The following TASP1 variants were observed in gnomAD, a reference collection of about 807,000 sequenced individuals.
The protein encoded by TASP1 is taspase 1, also known as threonine aspartase 1.
In TASP1, 16 loss-of-function variants were observed where a neutral mutation model predicts 56.6. The ratio of observed to expected loss-of-function variants is 0.28; its 90% CI spans 0.19 to 0.43. The LOEUF is 0.43. TASP1 is among the 20% of genes least tolerant of loss of function. TASP1 has a pLI of 1.00. For synonymous variants in TASP1, 179 were observed against 184.2 expected (o/e 0.97, Z 0.23); for missense variants, 393 against 511.6 (o/e 0.77, Z 2.24).
the TASP1 span, chr20:13,270,893 G>A: frequency 4.0e-6 from 3 of 741,768 alleles, no homozygotes; most frequent in African/African-American, 1.8e-5. Flanking sequence ...CATAAGAACA[G>A]TGCTGCATTT....
At chr20:13,224,214 T>C in the TASP1 span, among the ~76,000 whole-genome samples, 1 of 152,194 alleles carries the variant, frequency 6.6e-6, no homozygotes, top group African/African-American at 2.4e-5. Context: ...ATGATGAGTT[T>C]AGCAGTTTAG....
intron 13 of TASP1, among the ~76,000 whole-genome samples, chr20:13,409,538 A>ATTT (rs2042028410): frequency 6.6e-6 from 1 of 152,034 alleles, no homozygotes; most frequent in African/African-American, 2.4e-5. Context: ...ACCAGCTTTC[A>ATTT]TTTTTGAAAA....
the TASP1 span, among the ~76,000 whole-genome samples, chr20:13,203,051 T>A: frequency 6.6e-6 from 1 of 152,194 alleles, no homozygotes; most frequent in African/African-American, 2.4e-5. Flanking sequence ...GATGAAAACA[T>A]CTGTTTTATC....
chr20:13,501,150 T>C (rs1423092971), intron 10 of TASP1, among the ~76,000 whole-genome samples: 4 of 151,860 alleles, frequency 2.6e-5, no homozygotes, highest in Non-Finnish European at 5.9e-5. Flanking sequence ...AAAGGGGAAG[T>C]AAAGATATTT....
At chr20:13,633,467 T>C (rs1386844215) in intron 1 of TASP1, among the ~76,000 whole-genome samples, 5 of 152,126 alleles carry the variant, frequency 3.3e-5, no homozygotes, top group African/African-American at 7.2e-5. Context: ...GAATACTAGG[T>C]AATGAGCTAA....
the TASP1 span, among the ~76,000 whole-genome samples, chr20:13,246,945 T>C: frequency 6.6e-6 from 1 of 151,326 alleles, no homozygotes; most frequent in East Asian, 1.9e-4. Context: ...AAAATATATA[T>C]ATGTATAGTG....
intron 6 of TASP1, among the ~76,000 whole-genome samples, chr20:13,576,197 G>A (rs923884661): frequency 4.8e-5 from 5 of 104,192 alleles, no homozygotes; most frequent in East Asian, 6.6e-4. Flanking sequence ...GCAAGATTCC[G>A]AGACAGAAGG....
chr20:13,132,801 C>T, the TASP1 span: 2 of 152,218 alleles, frequency 1.3e-5, no homozygotes, highest in African/African-American at 4.8e-5. Context: ...CCTAAAAAGA[C>T]TTTCCTTGCC....
At chr20:13,293,019 A>AC in the TASP1 span, among the ~76,000 whole-genome samples, 4 of 150,914 alleles carry the variant, frequency 2.7e-5, no homozygotes, top group Admixed American at 1.3e-4. Flanking sequence ...ACATGGTGAA[A>AC]CCCCCCCGTC....
At chr20:13,294,417 G>A in the TASP1 span, among the ~76,000 whole-genome samples, 3 of 152,198 alleles carry the variant, frequency 2.0e-5, no homozygotes, top group African/African-American at 4.8e-5. Flanking sequence ...TTGACATAAA[G>A]TGGTAGAACC....
chr20:13,182,200 G>C, the TASP1 span, among the ~76,000 whole-genome samples: 9 of 152,214 alleles, frequency 5.9e-5, no homozygotes, highest in South Asian at 1.9e-3. Flanking sequence ...TTCATTGCCT[G>C]TCAAACTCCT....
At chr20:13,388,138 T>C (rs2041177801), downstream of TASP1, among the ~76,000 whole-genome samples, 2 of 152,322 alleles carry the variant, frequency 1.3e-5, no homozygotes, top group African/African-American at 4.8e-5. Flanking sequence ...ATGTTAAAAG[T>C]GGGCACCTTA....
At chr20:13,509,683 T>C (rs2044256529) in intron 10 of TASP1, among the ~76,000 whole-genome samples, 1 of 152,214 alleles carries the variant, frequency 6.6e-6, no homozygotes, top group Non-Finnish European at 1.5e-5. Context: ...TGGAGTGCAA[T>C]GGTGCAATCT....
At chr20:13,484,463 A>G (rs1256415035) in intron 10 of TASP1, among the ~76,000 whole-genome samples, 2 of 152,182 alleles carry the variant, frequency 1.3e-5, no homozygotes, top group Non-Finnish European at 2.9e-5. Context: ...GGCCGGGCAC[A>G]GTGGCTCACG....
chr20:13,186,895 A>C, the TASP1 span, among the ~76,000 whole-genome samples: 4 of 152,338 alleles, frequency 2.6e-5, no homozygotes, highest in Admixed American at 1.3e-4. Flanking sequence ...CAATCTTCAT[A>C]ACTAGACTTA....
At chr20:13,148,890 C>T in the TASP1 span, among the ~76,000 whole-genome samples, 12 of 152,326 alleles carry the variant, frequency 7.9e-5, 1 homozygote, top group South Asian at 8.3e-4. Flanking sequence ...CCCCTTTCAA[C>T]GACCTACTAA....
At chr20:13,198,896 C>CTCTT in the TASP1 span, among the ~76,000 whole-genome samples, 2 of 101,228 alleles carry the variant, frequency 2.0e-5, no homozygotes, top group Admixed American at 2.5e-4. Flanking sequence ...CCTTCCTTCC[C>CTCTT]TCCTTCCTTC....
chr20:13,297,113 C>T, the TASP1 span, among the ~76,000 whole-genome samples: 1 of 152,174 alleles, frequency 6.6e-6, no homozygotes, highest in African/African-American at 2.4e-5. Flanking sequence ...GGAATTTGTG[C>T]TTCTGGCCTT....
intron 6 of TASP1, among the ~76,000 whole-genome samples, chr20:13,575,314 C>T (rs771813424): frequency 3.5e-4 from 54 of 152,298 alleles, no homozygotes; most frequent in African/African-American, 8.4e-4. Flanking sequence ...GCTGTGTCCC[C>T]ACCCAAATCT....
Sources: allele counts gnomAD v4.1 joint callset (sites outside exome capture counted in the v4.1 genomes callset), GRCh38; gene constraint gnomAD v4.1.1; transcripts MANE v1.5; gene names NCBI Gene and HGNC (gene_info 2026-07-23, HGNC 2026-07-21).